The following SNX27 variants were observed in gnomAD, a reference collection of about 807,000 sequenced individuals.
The protein encoded by SNX27 is sorting nexin-27.
Under a neutral mutation model 71.6 loss-of-function variants are expected in SNX27, and 22 were observed. That is an observed-to-expected ratio of 0.31 (90% CI 0.22 to 0.44). SNX27 has a LOEUF of 0.44. Among genes scored for constraint, SNX27 ranks in the 20% least tolerant of loss-of-function variants. The pLI is 1.00. For missense variants in SNX27, 531 were observed against 698.6 expected (o/e 0.76, Z 2.70); for synonymous variants, 269 against 277.2 (o/e 0.97, Z 0.29).
chr1:151,668,448 T>G (rs1186795735), intron 6 of SNX27, 24 bp from the exon 7 acceptor site: 2 of 1,597,246 alleles, frequency 1.3e-6, no homozygotes, highest in Admixed American at 1.8e-5. Flanking sequence ...CACTCCAGCT[T>G]TCTGTGTTTT....
rs1571868477 is a variant in SNX27, at chr1:151,683,391, A to C, written c.1185A>C (p.Ala395=). The stretch of plus-strand genomic sequence containing the variant: ...ATGTGAAGAAAGGTTACATCAAAGC[A>C]GAAGAAAAGTCCTATCAATTACAGA... ...VDDVKKGYIK[A]EEKSYQLQKL... is the part of the protein sequence containing the mutation. Residue 395 remains alanine, a synonymous_variant, in exon 8 of 12, where the codon GCA becomes GCC. Coordinates refer to ENST00000458013, the MANE Select transcript of SNX27 (RefSeq NM_001330723.2). The C allele has an allele frequency of 1.2e-6, 2 of 1,613,872 alleles. No individual in the cohort carries two copies. The highest frequency in any genetic ancestry group is 1.7e-6 in the Non-Finnish European group (2 of 1,179,946).
intron 3 of SNX27, chr1:151,660,374 G>A (rs1013806362): frequency 2.6e-5 from 4 of 152,158 alleles, no homozygotes; most frequent in African/African-American, 7.3e-5. Flanking sequence ...TGACTGGCCT[G>A]TTTTTAGGCC....
intron 2 of SNX27, among the ~76,000 whole-genome samples, chr1:151,641,157 C>CATGAA (rs2102637111): frequency 6.6e-6 from 1 of 152,166 alleles, no homozygotes; most frequent in South Asian, 2.1e-4. Flanking sequence ...CTAAAGCTGC[C>CATGAA]ATGAAATAAT....
rs565255926 is a variant in SNX27, at chr1:151,631,197, TTCTAGTA to T, written c.312-7690_312-7684del. On this transcript the variant is annotated intron_variant, in intron 1 of 11. Transcript: ENST00000458013. ...TAGTTCCTTGTCTTTACAGTGTAGTTTCTAGTACAGTTGTACTGAACAACTAAGCAGT... is the reference window on the plus strand; with the variant it reads ...TAGTTCCTTGTCTTTACAGTGTAGTTCAGTTGTACTGAACAACTAAGCAGT... Among the ~76,000 whole-genome samples, 31 of 152,332 alleles carry T rather than the reference TTCTAGTA, an allele frequency of 2.0e-4. No individual in the cohort carries two copies. The East Asian group carries it at 6.0e-3, about 29-fold the overall frequency.
In SNX27 at chr1:151,695,262, C is replaced by T. The variant is rs541026376; in HGVS notation, c.*845C>T. The T allele has an allele frequency of 6.6e-6, 1 of 152,230 alleles. No individual in the cohort carries two copies. Among genetic ancestry groups the T allele is most frequent in the South Asian group, 2.1e-4 (1 of 4,818 alleles). 9.4% of individuals were successfully genotyped at this position (152,230 alleles called of 1,614,324 possible). On this transcript the variant is annotated 3_prime_UTR_variant, in exon 12 of 12. Transcript: ENST00000458013. The stretch of plus-strand genomic sequence containing the variant: ...TTTTGATCCATCTATTTCTCTCACT[C>T]CTGGCTTTCTAGCCACATTCTGCAC...
chr1:151,682,871 T>G (rs779991645), intron 7 of SNX27, among the ~76,000 whole-genome samples: 4 of 151,990 alleles, frequency 2.6e-5, no homozygotes, highest in Non-Finnish European at 4.4e-5. Flanking sequence ...CCCATCTCTA[T>G]TAAAAATACA....
chr1:151,658,685 C>T (rs1025477941), intron 3 of SNX27, among the ~76,000 whole-genome samples: 5 of 151,972 alleles, frequency 3.3e-5, no homozygotes, highest in Non-Finnish European at 5.9e-5. Context: ...TTGGTGATGC[C>T]TAATGGACTT....
intron 1 of SNX27, among the ~76,000 whole-genome samples, chr1:151,637,191 G>T (rs2102629973): frequency 7.8e-6 from 1 of 127,846 alleles, no homozygotes; most frequent in East Asian, 2.2e-4. Context: ...TTGAGACAGA[G>T]TCTTGCTCTG....
chr1:151,651,571 G>A (rs185002358), intron 2 of SNX27, among the ~76,000 whole-genome samples: 28,629 of 150,912 alleles, frequency 0.19, 3,047 homozygotes, highest in Middle Eastern at 0.33. Context: ...ACGGGGTCGC[G>A]GCCAGGCAGA....
rs370519030 is a variant in SNX27 at position 151,683,505 on chromosome 1, G to T, written c.1239+60G>T. On this transcript the variant is annotated intron_variant, in intron 8 of 11. Transcript: ENST00000458013. ...CCCCTTCCTACCTTTAAAACCTATA[G>T]TCCTAGTCATTTTTGAAAGGATTAC... The T allele has an allele frequency of 5.7e-5, 73 of 1,281,142 alleles. 4 individuals carry two copies. The highest frequency in any genetic ancestry group is 4.1e-4 in the Admixed American group (19 of 46,834). The allele number at this position is 1,281,142 out of a possible 1,614,324, so 79.4% of individuals were successfully genotyped here.
intron 7 of SNX27, among the ~76,000 whole-genome samples, chr1:151,674,725 T>C (rs1028075159): frequency 3.3e-5 from 5 of 151,950 alleles, no homozygotes; most frequent in African/African-American, 4.8e-5. Context: ...TCTCGCTTTG[T>C]CGCCAGGCTA....
Position 151,694,504 on chromosome 1 carries a change from A to C in SNX27, c.*87A>C, listed in dbSNP as rs1257036873. The C allele has an allele frequency of 1.2e-5, 16 of 1,349,200 alleles. No homozygotes were observed. The South Asian group carries it at 1.8e-4, about 15-fold the overall frequency. 83.6% of individuals were successfully genotyped at this position (1,349,200 alleles called of 1,614,324 possible). On this transcript the variant is annotated 3_prime_UTR_variant, in exon 12 of 12. Coordinates refer to ENST00000458013, the MANE Select transcript of SNX27 (RefSeq NM_001330723.2). ...TCAGACAGAGTAACCATTAACAAAAAAGAAGAGAAAAAGTTAAAGTCGTTA... is the reference window on the plus strand; with the variant it reads ...TCAGACAGAGTAACCATTAACAAAACAGAAGAGAAAAAGTTAAAGTCGTTA...
At chr1:151,669,746 T>A (rs1670375477) in intron 7 of SNX27, among the ~76,000 whole-genome samples, 1 of 152,216 alleles carries the variant, frequency 6.6e-6, no homozygotes, top group South Asian at 2.1e-4. Context: ...TGTAATTTTT[T>A]ATTTTTAATT....
chr1:151,663,962 A>C (rs573518945), intron 5 of SNX27, among the ~76,000 whole-genome samples: 1 of 152,074 alleles, frequency 6.6e-6, no homozygotes, highest in Non-Finnish European at 1.5e-5. Flanking sequence ...TTCTTCTGAA[A>C]ATAACTTTTC....
intron 1 of SNX27, among the ~76,000 whole-genome samples, chr1:151,633,777 T>A (rs1214469370): frequency 6.6e-6 from 1 of 152,232 alleles, no homozygotes; most frequent in Non-Finnish European, 1.5e-5. Flanking sequence ...TTTATCTATG[T>A]TGTTGGGGAT....
intron 2 of SNX27, among the ~76,000 whole-genome samples, chr1:151,643,753 T>C (rs950135983): frequency 5.9e-5 from 9 of 151,720 alleles, no homozygotes; most frequent in Admixed American, 1.3e-4. Flanking sequence ...GTCTGCCTCC[T>C]GGGTTCAAGC....
At position 151,634,070 on chromosome 1, in the gene SNX27, A is replaced by T. The variant is rs560970712; in HGVS notation, c.312-4818A>T. On this transcript the variant is annotated intron_variant, in intron 1 of 11. Transcript: ENST00000458013. ...TATGAGAAACTGCTAGATTGTTTTT[A>T]TTTTATGCACTTATCAGCTGTATAT... Among the ~76,000 whole-genome samples, 716 of 150,254 alleles carry T rather than the reference A, an allele frequency of 4.8e-3. 4 individuals are homozygous for T. Among genetic ancestry groups the T allele is most frequent in the Non-Finnish European group, 8.3e-3 (562 of 67,590 alleles).
chr1:151,652,496 C>T (rs1190728164), intron 2 of SNX27, among the ~76,000 whole-genome samples: 1 of 149,958 alleles, frequency 6.7e-6, no homozygotes, highest in Non-Finnish European at 1.5e-5. Flanking sequence ...GCAACCTCCG[C>T]CTCCCAAGTT....
At chr1:151,618,911 C>G (rs570351364) in intron 1 of SNX27, among the ~76,000 whole-genome samples, 1 of 152,026 alleles carries the variant, frequency 6.6e-6, no homozygotes, top group East Asian at 1.9e-4. Context: ...TACAGTTCAG[C>G]CCACATTTGG....
Sources: allele counts gnomAD v4.1 joint callset (sites outside exome capture counted in the v4.1 genomes callset), GRCh38; gene constraint gnomAD v4.1.1; transcripts MANE v1.5; gene names NCBI Gene and HGNC (gene_info 2026-07-23, HGNC 2026-07-21).